Variants in AATK observed in about 807,000 individuals in gnomAD.
The protein encoded by AATK is lemur tail kinase 1, also known as serine/threonine-protein kinase LMTK1.
Under a neutral mutation model 114.3 loss-of-function variants are expected in AATK, and 91 were observed. The ratio of observed to expected loss-of-function variants is 0.80; its 90% CI spans 0.67 to 0.95. The LOEUF (loss-of-function observed/expected upper bound fraction) is 0.95. Ranked by LOEUF, AATK falls within the 40% of genes least tolerant of loss-of-function variation. The pLI is 0.00. For synonymous variants in AATK, 1,075 were observed against 916.5 expected (o/e 1.17, Z -3.12); for missense variants, 2,176 against 1,965.2 (o/e 1.11, Z -2.03).
At position 81,119,566 on chromosome 17, in the gene AATK, A is replaced by T; in HGVS notation, c.3898T>A (p.Trp1300Arg). The T allele has an allele frequency of 6.4e-7, 1 of 1,574,140 alleles. No homozygotes were observed. The highest frequency in any genetic ancestry group is 8.6e-7 in the Non-Finnish European group (1 of 1,162,692). ...GTCATCAGCGGGAAGTCGTCGTCCC[A>T]CGCGAACCCACCACCTGCAGCCCAG... ...STAEEGGGFA[W>R]DDDFPLMTAK... Residue 1300 changes from tryptophan (W) to arginine (R), a missense_variant, in exon 13 of 14, where the codon TGG becomes AGG. Trp to Arg is a moderately radical substitution (Grantham distance 101, BLOSUM62 -3). Around this residue, in one of 4 missense-constraint regions of AATK, gnomAD observed 1,701 missense variants for 1,394.7 expected, o/e 1.22. Coordinates refer to ENST00000326724, the MANE Select transcript of AATK (RefSeq NM_001080395.3).
intron 1 of AATK, among the ~76,000 whole-genome samples, chr17:81,145,829 A>G (rs2061210743): frequency 6.6e-6 from 1 of 152,246 alleles, no homozygotes; most frequent in African/African-American, 2.4e-5. Context: ...AATATGTCGA[A>G]GAGCTGATGT....
intron 1 of AATK, among the ~76,000 whole-genome samples, chr17:81,144,671 C>T (rs1246772529): frequency 6.6e-6 from 1 of 152,268 alleles, no homozygotes. Flanking sequence ...TCATCAAATC[C>T]ACACCGGAGA....
intron 1 of AATK, among the ~76,000 whole-genome samples, chr17:81,153,682 G>T (rs143026318): frequency 6.6e-6 from 1 of 152,270 alleles, no homozygotes; most frequent in Non-Finnish European, 1.5e-5. Context: ...AGGCCCATGC[G>T]CAATGGACCT....
intron 2 of AATK, chr17:81,133,447 C>A: frequency 3.1e-6 from 1 of 323,020 alleles, no homozygotes; most frequent in Non-Finnish European, 6.2e-6. Context: ...GAGATACAGA[C>A]AGGGTGCTGT....
At position 81,127,637 on chromosome 17, in the gene AATK, C is replaced by T. The variant is rs1211111118; in HGVS notation, c.567G>A (p.Leu189=). 6 of 1,599,278 alleles carry T rather than the reference C, an allele frequency of 3.8e-6. No homozygotes were observed. The highest frequency in any genetic ancestry group is 1.7e-5 in the Admixed American group (1 of 58,204). The change falls in exon 6 of 14, where the codon CTG becomes CTA. Residue 189 remains leucine (L), a synonymous_variant. Coordinates refer to ENST00000326724, the MANE Select transcript of AATK (RefSeq NM_001080395.3). The part of the protein sequence containing the change: ...ALKHSNLLQC[L]AQCAEVTPYL... ...AGGGCGTCACCTCGGCGCACTGGGC[C>T]AGGCACTGGAGCAGGTTGCTGTGCT...
At chr17:81,153,348 T>G (rs1020924859) in intron 1 of AATK, among the ~76,000 whole-genome samples, 1 of 152,204 alleles carries the variant, frequency 6.6e-6, no homozygotes, top group African/African-American at 2.4e-5. Flanking sequence ...GAATTAGGTG[T>G]GATCAAGGCT....
In AATK at chr17:81,119,468, A is replaced by AGCGGGCGTGGGCGTGGGC. The variant is rs1555689777; in HGVS notation, c.3978_3995dup (p.Thr1328_Pro1333dup). ...GCGACACCGTGAAGCGCGAGAAGGG[A>AGCGGGCGTGGGCGTGGGC]GCGGGCGTGGGCGTGGGCGCAGCCG... On this transcript the variant is annotated inframe_insertion, in exon 13 of 14. Transcript: ENST00000326724. The AGCGGGCGTGGGCGTGGGC allele has an allele frequency of 2.0e-5, 29 of 1,475,628 alleles. No homozygotes were observed. Among genetic ancestry groups the AGCGGGCGTGGGCGTGGGC allele is most frequent in the Non-Finnish European group, 2.4e-5 (27 of 1,111,624 alleles). The allele number at this position is 1,475,628 out of a possible 1,614,324, so 91.4% of individuals were successfully genotyped here.
intron 1 of AATK, chr17:81,165,485 T>G: frequency 2.2e-6 from 1 of 455,870 alleles, no homozygotes; most frequent in South Asian, 2.0e-5. Context: ...CGCCGGCTGC[T>G]GGTGGCTGGG....
intron 9 of AATK, among the ~76,000 whole-genome samples, chr17:81,124,029 G>A (rs1474665307): frequency 6.6e-6 from 1 of 152,188 alleles, no homozygotes; most frequent in Non-Finnish European, 1.5e-5. Flanking sequence ...TTGGTGGAGA[G>A]GTGAGGAGGG....
intron 1 of AATK, among the ~76,000 whole-genome samples, chr17:81,137,172 T>C (rs2061023322): frequency 6.6e-6 from 1 of 151,456 alleles, no homozygotes; most frequent in Non-Finnish European, 1.5e-5. Flanking sequence ...ACAGGAGAAT[T>C]GCTCGAACCC....
At chr17:81,148,395 C>T (rs2061250812) in intron 1 of AATK, among the ~76,000 whole-genome samples, 1 of 152,356 alleles carries the variant, frequency 6.6e-6, no homozygotes, top group African/African-American at 2.4e-5. Context: ...CCCAACACCC[C>T]CGGCATCTTG....
chr17:81,122,865 G>A, intron 10 of AATK, 42 bp from the exon 11 acceptor site: 2 of 1,402,464 alleles, frequency 1.4e-6, no homozygotes, highest in South Asian at 1.6e-5. Flanking sequence ...AGGCAACGCT[G>A]GCCAGGAACG....
intron 1 of AATK, among the ~76,000 whole-genome samples, chr17:81,145,647 T>C (rs970478218): frequency 6.7e-6 from 1 of 148,444 alleles, no homozygotes; most frequent in Non-Finnish European, 1.5e-5. Context: ...ACAGGAGAAT[T>C]GCTTGAACCT....
intron 2 of AATK, among the ~76,000 whole-genome samples, chr17:81,132,370 G>A (rs773499588): frequency 3.9e-5 from 6 of 152,200 alleles, no homozygotes; most frequent in African/African-American, 1.2e-4. Context: ...CCCTGGGGAC[G>A]CCTCCCTTCC....
At position 81,122,653 on chromosome 17, in the gene AATK, G is replaced by C; in HGVS notation, c.1283C>G (p.Pro428Arg). 1 of 1,485,344 alleles carries C rather than the reference G, an allele frequency of 6.7e-7. No individual in the cohort carries two copies. The highest frequency in any genetic ancestry group is 9.0e-7 in the Non-Finnish European group (1 of 1,114,168). The allele number at this position is 1,485,344 out of a possible 1,614,324, so 92.0% of individuals were successfully genotyped here. The change falls in exon 11 of 14, where the codon CCC (proline) becomes CGC (arginine). Residue 428 changes from proline (P) to arginine (R), a missense_variant. Physicochemically the swap from Pro to Arg is moderately radical, Grantham distance 103 (BLOSUM62 -2). Around this residue, in one of 4 missense-constraint regions of AATK, gnomAD observed 1,701 missense variants for 1,394.7 expected, o/e 1.22. Coordinates refer to ENST00000326724, the MANE Select transcript of AATK (RefSeq NM_001080395.3). ...GCCCAGCATGGGCCCCGCCGCACCG[G>C]GCCCGGGCCCCACGCCGCCCCCGCC... ...RPGGGGVGPG[P>R]GAAGPMLGGV...
chr17:81,127,804 A>G lies in AATK; in HGVS notation c.521T>C (p.Val174Ala), dbSNP rs1373640865. The change falls in exon 5 of 14, where the codon GTG (valine) becomes GCG (alanine). Residue 174 changes from valine (V) to alanine (A), a missense_variant. Val to Ala is a moderately conservative substitution (Grantham distance 64). Transcript: ENST00000326724. ...GGTGGCCTCCCACCTGTAGGGCTGC[A>G]CCTCCTCCAGGAACTGCATCTGCTC... ...VQEQMQFLEE[V>A]QPYRALKHSN... is the part of the protein sequence containing the mutation. 1 of 1,519,728 alleles carries G rather than the reference A, an allele frequency of 6.6e-7. No homozygotes were observed. The highest frequency in any genetic ancestry group is 8.9e-7 in the Non-Finnish European group (1 of 1,120,582). The allele number at this position is 1,519,728 out of a possible 1,614,324, so 94.1% of individuals were successfully genotyped here. A position where few individuals can be genotyped will look rare whatever the true frequency, so the allele number is the denominator to read the frequency against.
chr17:81,133,971 C>A (rs1000206511), intron 2 of AATK, among the ~76,000 whole-genome samples: 4 of 152,164 alleles, frequency 2.6e-5, no homozygotes, highest in African/African-American at 9.7e-5. Context: ...TTCGGAGGGA[C>A]GTGAGAGCCC....
chr17:81,153,573 G>A (rs929523328), intron 1 of AATK, among the ~76,000 whole-genome samples: 4 of 152,148 alleles, frequency 2.6e-5, no homozygotes, highest in Non-Finnish European at 4.4e-5. Flanking sequence ...TGACTGGCTC[G>A]AAAATACTCG....
chr17:81,155,229 C>T (rs575651363), intron 1 of AATK, among the ~76,000 whole-genome samples: 2 of 152,164 alleles, frequency 1.3e-5, no homozygotes, highest in Non-Finnish European at 2.9e-5. Context: ...GCACGTGTGG[C>T]GGTGACCATC....
Sources: allele counts gnomAD v4.1 joint callset (sites outside exome capture counted in the v4.1 genomes callset), GRCh38; gene constraint gnomAD v4.1.1; regional missense constraint gnomAD v4.1.1; transcripts MANE v1.5; gene names NCBI Gene and HGNC (gene_info 2026-07-23, HGNC 2026-07-21).